CD109: variants seen among roughly 807,000 people sequenced by gnomAD.
CD109 encodes CD109 antigen.
In CD109, 149 loss-of-function variants were observed where a neutral mutation model predicts 165.8. The observed-to-expected ratio is 0.90, with a 90% CI of 0.79 to 1.03. The LOEUF is 1.03. CD109 is among the 50% of genes least tolerant of loss of function. The pLI is 0.00. For synonymous variants in CD109, 585 were observed against 592.1 expected (o/e 0.99, Z 0.18); for missense variants, 1,712 against 1,677.8 (o/e 1.02, Z -0.36).
At chr6:73,692,250 G>A (rs1472770681), upstream of CD109, among the ~76,000 whole-genome samples, 2 of 152,116 alleles carry the variant, frequency 1.3e-5, no homozygotes, top group Non-Finnish European at 2.9e-5. Flanking sequence ...GAGGGACACA[G>A]GAACAGTGTG....
intron 2 of CD109, among the ~76,000 whole-genome samples, chr6:73,709,037 G>A (rs1024306129): frequency 6.6e-6 from 1 of 152,176 alleles, no homozygotes; most frequent in African/African-American, 2.4e-5. Flanking sequence ...GGCTTTTGTT[G>A]CTATTGCTTT....
upstream of CD109, chr6:73,696,150 G>C: frequency 6.8e-7 from 1 of 1,479,474 alleles, no homozygotes; most frequent in Non-Finnish European, 9.1e-7. Flanking sequence ...GAGGTGGCAA[G>C]CCACACCCCA....
chr6:73,723,138 A>G, intron 2 of CD109, 113 bp from the exon 3 acceptor site: 1 of 1,572,846 alleles, frequency 6.4e-7, no homozygotes, highest in Non-Finnish European at 8.6e-7. Flanking sequence ...CACCAAATGT[A>G]TTTATGATTC....
chr6:73,768,430 G>A (rs1050682661), intron 14 of CD109, among the ~76,000 whole-genome samples, 199 bp downstream of exon 14: 2 of 152,174 alleles, frequency 1.3e-5, no homozygotes, highest in Non-Finnish European at 2.9e-5. Context: ...GGGATTGATA[G>A]TCTATTTGTA....
intron 24 of CD109, among the ~76,000 whole-genome samples, chr6:73,806,637 A>G (rs546154893): frequency 6.6e-6 from 1 of 152,136 alleles, no homozygotes; most frequent in African/African-American, 2.4e-5. Flanking sequence ...CCAAGTGGAA[A>G]CCAGTTCTGC....
chr6:73,700,992 G>A (rs1771054626), intron 2 of CD109, among the ~76,000 whole-genome samples: 1 of 151,288 alleles, frequency 6.6e-6, no homozygotes. Flanking sequence ...TAGTAGAGAC[G>A]AGGTTTCACT....
chr6:73,755,102 T>C (rs1273028513), intron 5 of CD109, among the ~76,000 whole-genome samples: 1 of 152,254 alleles, frequency 6.6e-6, no homozygotes, highest in African/African-American at 2.4e-5. Context: ...AGCATTCTTA[T>C]GTTCATTAGT....
intron 5 of CD109, among the ~76,000 whole-genome samples, chr6:73,751,008 T>C (rs1181835845): frequency 6.6e-6 from 1 of 152,154 alleles, no homozygotes; most frequent in Non-Finnish European, 1.5e-5. Flanking sequence ...AATAAAATGC[T>C]CCCTTCTCCA....
At chr6:73,789,472 G>A (rs993733481) in intron 22 of CD109, among the ~76,000 whole-genome samples, 1 of 137,852 alleles carries the variant, frequency 7.3e-6, no homozygotes, top group Non-Finnish European at 1.6e-5. Context: ...TTTTTTTTTT[G>A]AGGCGGAGTC....
intron 15 of CD109, among the ~76,000 whole-genome samples, chr6:73,774,594 A>G (rs1407172400): frequency 6.6e-6 from 1 of 152,162 alleles, no homozygotes; most frequent in Non-Finnish European, 1.5e-5. Context: ...ACCTGGTATT[A>G]TCTTTTGGAT....
At chr6:73,798,044 T>C (rs1775230414) in intron 23 of CD109, among the ~76,000 whole-genome samples, 1 of 152,160 alleles carries the variant, frequency 6.6e-6, no homozygotes, top group Admixed American at 6.5e-5. Context: ...CCAACTTAGA[T>C]GACTGCACTG....
rs150665697 is a variant in CD109, at chr6:73,781,835, A to ACACACACACACACACAC, written c.1963+517_1963+518insACACACACACACACACC. 2.0e-3 allele frequency among the ~76,000 whole-genome samples: 282 copies of ACACACACACACACACAC among 144,414 alleles called. 2 individuals carry two copies. The highest frequency in any genetic ancestry group is 6.8e-3 in the East Asian group (33 of 4,884). The allele number at this position is 144,414 out of a possible 152,430, so 94.7% of individuals were successfully genotyped here. ...CACGCAGACACACACACACACACAC[A>ACACACACACACACACAC]CCCCTCATCAATCTGAGTTCTTCCT... On this transcript the variant is annotated intron_variant, in intron 17 of 32. Coordinates refer to ENST00000287097, the MANE Select transcript of CD109 (RefSeq NM_133493.5).
intron 2 of CD109, among the ~76,000 whole-genome samples, chr6:73,700,789 A>ATTT (rs1771038502): frequency 2.5e-5 from 2 of 79,026 alleles, no homozygotes; most frequent in Admixed American, 1.3e-4. Context: ...GATTGATTGT[A>ATTT]GTTTTTTTTT....
At position 73,806,742 on chromosome 6, in the gene CD109, A is replaced by G. The variant is rs1387970991; in HGVS notation, c.2961-102A>G. 9.2e-6 allele frequency: 7 copies of G among 764,398 alleles called. No homozygotes were observed. The Admixed American group carries it at 2.0e-4, about 22-fold the overall frequency. The allele number at this position is 764,398 out of a possible 1,614,324, so 47.4% of individuals were successfully genotyped here. ...TCTTCAGTGATTCCCCCTTTGATGA[A>G]TCTTCTGATGGGGGAAAAAGTGTTG... On this transcript the variant is annotated intron_variant, in intron 24 of 32. Transcript: ENST00000287097.
intron 2 of CD109, among the ~76,000 whole-genome samples, chr6:73,719,088 AATT>A (rs1208280971): frequency 6.6e-6 from 1 of 152,236 alleles, no homozygotes; most frequent in African/African-American, 2.4e-5. Flanking sequence ...ATCACTATAA[AATT>A]ATTGACATGA....
Position 73,811,093 on chromosome 6 carries a change from T to C in CD109, c.3648T>C (p.Ser1216=). ...QVTVTGPSSP[S]PVKFLIDTHN... ...CCGTGACGGGGCCTAGCTCACCAAG[T>C]CCTGTAAAGTTTCTGATTGACACAC... Residue 1216 remains serine (S), a synonymous_variant, in exon 28 of 33, where the codon AGT becomes AGC. Transcript: ENST00000287097. 1.2e-6 allele frequency: 2 copies of C among 1,613,440 alleles called. No homozygotes were observed. The highest frequency in any genetic ancestry group is 1.7e-6 in the Non-Finnish European group (2 of 1,179,604).
intron 22 of CD109, among the ~76,000 whole-genome samples, chr6:73,790,376 A>G (rs1381769792): frequency 6.6e-6 from 1 of 152,202 alleles, no homozygotes; most frequent in Non-Finnish European, 1.5e-5. Context: ...GATTACAGGC[A>G]TGAGCCATTG....
At chr6:73,791,608 G>A (rs1338998581) in intron 22 of CD109, among the ~76,000 whole-genome samples, 2 of 151,878 alleles carry the variant, frequency 1.3e-5, no homozygotes, top group Non-Finnish European at 2.9e-5. Context: ...TGTAAAGAAC[G>A]GATTTTCAAG....
At chr6:73,796,074 C>T (rs563951504) in intron 23 of CD109, among the ~76,000 whole-genome samples, 15 of 152,264 alleles carry the variant, frequency 9.9e-5, no homozygotes, top group African/African-American at 3.4e-4. Flanking sequence ...TTCTATTTCT[C>T]TCCATCCCAC....
Sources: gnomAD v4.1 joint callset for allele counts (sites outside exome capture counted in the v4.1 genomes callset) on GRCh38, gnomAD v4.1.1 for gene constraint, MANE v1.5 for transcripts, NCBI Gene and HGNC (gene_info 2026-07-23, HGNC 2026-07-21) for gene names.